Variants in FHIT observed in about 807,000 individuals in gnomAD.
FHIT encodes fragile histidine triad diadenosine triphosphatase, also known as bis(5'-adenosyl)-triphosphatase.
Under a neutral mutation model 17.9 loss-of-function variants are expected in FHIT, and 19 were observed. The ratio of observed to expected loss-of-function variants is 1.06; its 90% CI spans 0.74 to 1.56. The LOEUF (loss-of-function observed/expected upper bound fraction) is 1.56, where lower values mean the gene tolerates loss of function less well. Among genes scored for constraint, FHIT ranks in the 40% most tolerant of loss-of-function variants. The pLI is 0.00. For synonymous variants in FHIT, 81 were observed against 69.7 expected (o/e 1.16, Z -0.81); for missense variants, 248 against 189.2 (o/e 1.31, Z -1.82).
chr3:59,853,279 T>C (rs552412541), intron 8 of FHIT, among the ~76,000 whole-genome samples: 3 of 152,234 alleles, frequency 2.0e-5, no homozygotes, highest in Non-Finnish European at 4.4e-5. Context: ...ACATAGGCTA[T>C]TATGATCTTC....
intron 5 of FHIT, among the ~76,000 whole-genome samples, chr3:60,532,566 T>C (rs1270060263): frequency 6.6e-6 from 1 of 152,222 alleles, no homozygotes; most frequent in Non-Finnish European, 1.5e-5. Context: ...CAAGAAACTC[T>C]GAAAAGCATT....
At chr3:60,449,999 CAAAAAAAAAA>C (rs35302096) in intron 5 of FHIT, among the ~76,000 whole-genome samples, 3 of 65,078 alleles carry the variant, frequency 4.6e-5, no homozygotes, top group Non-Finnish European at 8.8e-5. Flanking sequence ...TAGACTCTGT[CAAAAAAAAAA>C]AAAAAAAAAA....
chr3:60,212,990 A>G (rs1703527424), intron 5 of FHIT, among the ~76,000 whole-genome samples: 1 of 152,128 alleles, frequency 6.6e-6, no homozygotes, highest in Admixed American at 6.6e-5. Context: ...AGATGCTTTC[A>G]TGCCACCTGA....
At chr3:61,191,200 T>A (rs1273600173) in intron 2 of FHIT, among the ~76,000 whole-genome samples, 3 of 152,308 alleles carry the variant, frequency 2.0e-5, no homozygotes, top group African/African-American at 7.2e-5. Flanking sequence ...CTAAATATTA[T>A]TTCTGGATGT....
At chr3:60,331,714 C>T (rs760969317) in intron 5 of FHIT, among the ~76,000 whole-genome samples, 3 of 151,962 alleles carry the variant, frequency 2.0e-5, no homozygotes, top group Non-Finnish European at 2.9e-5. Flanking sequence ...GGCGTGGTGG[C>T]GCATGCCTGT....
Position 60,432,774 on chromosome 3 carries a change from T to G in FHIT, c.103+104086A>C, listed in dbSNP as rs188191001. On this transcript the variant is annotated intron_variant, in intron 5 of 9. Coordinates refer to ENST00000492590, the MANE Select transcript of FHIT (RefSeq NM_002012.4). ...TTAACATGTTGCCAACCTACCAATG[T>G]GCTTTTCTTGGATGTTGTCACCTAT... Among the ~76,000 whole-genome samples, 49 of 152,248 alleles carry G rather than the reference T, an allele frequency of 3.2e-4. No individual in the cohort carries two copies. In the East Asian group the frequency reaches 7.4e-3, roughly 23 times the overall value.
intron 5 of FHIT, among the ~76,000 whole-genome samples, chr3:60,255,733 T>C (rs1705955382): frequency 6.6e-6 from 1 of 152,132 alleles, no homozygotes; most frequent in South Asian, 2.1e-4. Context: ...CATGAGACAT[T>C]AGTCTGCAGC....
chr3:61,208,861 G>T (rs1285578686), intron 1 of FHIT, among the ~76,000 whole-genome samples: 2 of 151,996 alleles, frequency 1.3e-5, no homozygotes, highest in Non-Finnish European at 1.5e-5. Flanking sequence ...CTGTCATTAT[G>T]ATGTTAGCTG....
intron 3 of FHIT, among the ~76,000 whole-genome samples, chr3:60,848,701 TA>T (rs1289975325): frequency 1.3e-5 from 2 of 152,234 alleles, no homozygotes; most frequent in Non-Finnish European, 2.9e-5. Context: ...CATATTGTTA[TA>T]AAGATGAAAT....
At chr3:60,008,260 A>T (rs1699999918) in intron 7 of FHIT, among the ~76,000 whole-genome samples, 1 of 152,212 alleles carries the variant, frequency 6.6e-6, no homozygotes, top group East Asian at 1.9e-4. Flanking sequence ...GAAAAAGATT[A>T]TTTCTCAAGC....
intron 4 of FHIT, among the ~76,000 whole-genome samples, chr3:60,807,153 T>A (rs1701422291): frequency 6.6e-6 from 1 of 152,240 alleles, no homozygotes; most frequent in South Asian, 2.1e-4. Flanking sequence ...CAATTAACTA[T>A]TTTATTCATC....
chr3:60,818,620 T>G (rs1369857023), intron 4 of FHIT, among the ~76,000 whole-genome samples: 1 of 152,190 alleles, frequency 6.6e-6, no homozygotes, highest in Admixed American at 6.5e-5. Flanking sequence ...TATCATGAAA[T>G]GTTCTCCTTC....
chr3:60,315,551 G>T (rs377068708), intron 5 of FHIT, among the ~76,000 whole-genome samples: 2 of 152,138 alleles, frequency 1.3e-5, no homozygotes, highest in Non-Finnish European at 1.5e-5. Context: ...CACATAGAAG[G>T]TACGCTCTAG....
chr3:60,230,459 G>A (rs1199004267), intron 5 of FHIT, among the ~76,000 whole-genome samples: 1 of 152,008 alleles, frequency 6.6e-6, no homozygotes, highest in African/African-American at 2.4e-5. Context: ...ATATTGCTCT[G>A]GTGTAAAGAT....
chr3:60,340,984 C>T (rs1338373688), intron 5 of FHIT, among the ~76,000 whole-genome samples: 3 of 152,024 alleles, frequency 2.0e-5, no homozygotes, highest in Non-Finnish European at 2.9e-5. Flanking sequence ...CCACTGCACC[C>T]GGCCTATATG....
intron 3 of FHIT, among the ~76,000 whole-genome samples, chr3:60,974,784 T>C (rs147084638): frequency 1.1e-3 from 160 of 152,314 alleles, no homozygotes; most frequent in African/African-American, 3.7e-3. Flanking sequence ...AATGTTTTAC[T>C]TTCCCACCTA....
intron 5 of FHIT, among the ~76,000 whole-genome samples, chr3:60,110,154 G>C (rs1327087927): frequency 6.6e-6 from 1 of 152,120 alleles, no homozygotes; most frequent in African/African-American, 2.4e-5. Context: ...GAGGACACGG[G>C]GGGTTGGGCT....
At chr3:60,115,848 T>TA (rs1346471848) in intron 5 of FHIT, among the ~76,000 whole-genome samples, 1 of 150,912 alleles carries the variant, frequency 6.6e-6, no homozygotes, top group Non-Finnish European at 1.5e-5. Context: ...ATAATACATA[T>TA]ATATTATAAA....
chr3:60,602,371 T>C (rs1056505738), intron 4 of FHIT, among the ~76,000 whole-genome samples: 5 of 152,154 alleles, frequency 3.3e-5, no homozygotes, highest in African/African-American at 1.2e-4. Flanking sequence ...CATGGAGCAA[T>C]GTCTAAACTT....
Sources: gnomAD v4.1 joint callset for allele counts (sites outside exome capture counted in the v4.1 genomes callset) on GRCh38, gnomAD v4.1.1 for gene constraint, MANE v1.5 for transcripts, NCBI Gene and HGNC (gene_info 2026-07-23, HGNC 2026-07-21) for gene names.